Variants in NGB observed in about 807,000 individuals in gnomAD.
NGB encodes nitrite reductase.
A neutral mutation model predicts 17.3 loss-of-function variants in NGB; 12 were observed. That is an observed-to-expected ratio of 0.69 (90% CI 0.45 to 1.13). The LOEUF (loss-of-function observed/expected upper bound fraction) is 1.13, where lower values mean the gene tolerates loss of function less well. NGB is among the 50% of genes most tolerant of loss of function. NGB has a pLI of 0.00. For missense variants in NGB, 195 were observed against 191.7 expected, an observed-to-expected ratio of 1.02 and a Z score of -0.10; for synonymous variants, 87 against 81.0, an observed-to-expected ratio of 1.07 and a Z score of -0.40.
rs1001417178 is a variant in NGB, at chr14:77,265,797, C to T, written c.*739G>A. ...GATGAAGTCACCCCTCCTTCCTGGC[C>T]GGTCCCCAGCCCCTCCCCACCTGGC... On this transcript the variant is annotated 3_prime_UTR_variant, in exon 4 of 4. Coordinates refer to ENST00000298352, the MANE Select transcript of NGB (RefSeq NM_021257.4). This position sits in a 1 kb window ranked among gnomAD's most constrained non-coding sequence, Gnocchi z 4.7. 5 of 162,450 alleles carry T rather than the reference C, an allele frequency of 3.1e-5. No homozygotes were observed. Among genetic ancestry groups the T allele is most frequent in the Admixed American group, 2.3e-4 (4 of 17,466 alleles). 10.1% of individuals were successfully genotyped at this position (162,450 alleles called of 1,614,324 possible).
intron 1 of NGB, among the ~76,000 whole-genome samples, chr14:77,269,676 CT>C (rs1889729320): frequency 6.7e-4 from 1 of 1,484 alleles, no homozygotes; most frequent in Non-Finnish European, 1.5e-3. Flanking sequence ...CTTTCTCTCT[CT>C]CTCTCTCTCT....
At chr14:77,269,424 C>A (rs1366432611) in intron 1 of NGB, 98 bp from the exon 2 acceptor site, 2 of 765,626 alleles carry the variant, frequency 2.6e-6, no homozygotes, top group Non-Finnish European at 4.4e-6. Context: ...GGGTGCCAAG[C>A]CAGGTCTCAG....
chr14:77,271,186 C>G lies in NGB; in HGVS notation c.-249G>C, dbSNP rs1199038137. On this transcript the variant is annotated 5_prime_UTR_variant, in exon 1 of 4. Transcript: ENST00000298352. Reference sequence around the variant, plus strand: ...CGCTTGGCCGCTGCGCCCTGCGCCCCGCAGCCGCCAGAGCCGCCCCACCCC... The same window carrying G: ...CGCTTGGCCGCTGCGCCCTGCGCCCGGCAGCCGCCAGAGCCGCCCCACCCC... 7.4e-6 allele frequency: 3 copies of G among 405,606 alleles called. No individual in the cohort carries two copies. The highest frequency in any genetic ancestry group is 1.3e-5 in the Non-Finnish European group (3 of 228,378). 25.1% of individuals were successfully genotyped at this position (405,606 alleles called of 1,614,324 possible).
rs757251137 is a variant in NGB at position 77,266,288 on chromosome 14, T to TA, written c.*247dup. The TA allele has an allele frequency of 1.4e-6, 1 of 740,022 alleles. No individual in the cohort carries two copies. The highest frequency in any genetic ancestry group is 2.7e-5 in the East Asian group (1 of 37,454). The allele number at this position is 740,022 out of a possible 1,614,324, so 45.8% of individuals were successfully genotyped here. ...GGGTCAGAGGGAGTGCCAAAAAAGG[T>TA]AAAAAGAAACGCAAGAAAGAGGCTA... On this transcript the variant is annotated 3_prime_UTR_variant, in exon 4 of 4. Coordinates refer to ENST00000298352, the MANE Select transcript of NGB (RefSeq NM_021257.4).
chr14:77,268,711 A>C, intron 2 of NGB, 126 bp from the exon 3 acceptor site: 1 of 1,306,776 alleles, frequency 7.7e-7, no homozygotes, highest in Non-Finnish European at 1.1e-6. Context: ...CTCCAAGATC[A>C]GGGGTCAAAG....
Position 77,270,832 on chromosome 14 carries a change from G to T in NGB, c.89+17C>A. Reference sequence around the variant, plus strand: ...GCAGCCTCCACCCGCATCCCCGGGCGCTCGTGTAGCCCTCACCTGGCAAAC... The same window carrying T: ...GCAGCCTCCACCCGCATCCCCGGGCTCTCGTGTAGCCCTCACCTGGCAAAC... On this transcript the variant is annotated intron_variant, in intron 1 of 3. Coordinates refer to ENST00000298352, the MANE Select transcript of NGB (RefSeq NM_021257.4). 2 of 1,557,420 alleles carry T rather than the reference G, an allele frequency of 1.3e-6. No homozygotes were observed. Among genetic ancestry groups the T allele is most frequent in the South Asian group, 1.2e-5 (1 of 86,410 alleles).
intron 3 of NGB, 66 bp from the exon 4 acceptor site, chr14:77,266,736 A>G: frequency 5.1e-6 from 8 of 1,572,844 alleles, no homozygotes; most frequent in Non-Finnish European, 6.9e-6. Context: ...TCCACAGGTG[A>G]GAAAACTGAG....
Position 77,270,897 on chromosome 14 carries a change from C to A in NGB, c.41G>T (p.Arg14Leu). The A allele has an allele frequency of 1.3e-6, 2 of 1,583,910 alleles. No individual in the cohort carries two copies. Among genetic ancestry groups the A allele is most frequent in the Non-Finnish European group, 8.5e-7 (1 of 1,171,814 alleles). The part of the protein sequence containing the change: ...PEPELIRQSW[R>L]AVSRSPLEHG... ...CTCCAGCGGGCTGCGGCTCACTGCC[C>A]GCCAGCTCTGCCGGATCAGCTCGGG... Residue 14 changes from arginine (R) to leucine (L), a missense_variant, in exon 1 of 4, where the codon CGG becomes CTG. By Grantham distance (102) the Arg-to-Leu change is moderately radical. Coordinates refer to ENST00000298352, the MANE Select transcript of NGB (RefSeq NM_021257.4).
chr14:77,269,109 A>AAGGG, intron 2 of NGB, 106 bp downstream of exon 2: 2 of 712,878 alleles, frequency 2.8e-6, no homozygotes, highest in Non-Finnish European at 4.9e-6. Context: ...GGGGAACTGG[A>AAGGG]AGGGAGTAAG....
In NGB at chr14:77,266,306, A is replaced by G. The variant is rs1172197806; in HGVS notation, c.*230T>C. Reference sequence around the variant, plus strand: ...AAAAAGGTAAAAAGAAACGCAAGAAAGAGGCTACTGGGGATGAGGGGACAC... The same window carrying G: ...AAAAAGGTAAAAAGAAACGCAAGAAGGAGGCTACTGGGGATGAGGGGACAC... On this transcript the variant is annotated 3_prime_UTR_variant, in exon 4 of 4. Coordinates refer to ENST00000298352, the MANE Select transcript of NGB (RefSeq NM_021257.4). The G allele has an allele frequency of 1.3e-6, 1 of 769,970 alleles. No individual in the cohort carries two copies. Among genetic ancestry groups the G allele is most frequent in the Admixed American group, 1.7e-5 (1 of 58,500 alleles). 47.7% of individuals were successfully genotyped at this position (769,970 alleles called of 1,614,324 possible). A position where few individuals can be genotyped will look rare whatever the true frequency, so the allele number is the denominator to read the frequency against.
At chr14:77,269,371 T>C in intron 1 of NGB, 45 bp from the exon 2 acceptor site, 1 of 1,350,076 alleles carries the variant, frequency 7.4e-7, no homozygotes, top group Non-Finnish European at 1.0e-6. Context: ...TGTGAGCTCC[T>C]GCAAGCCCCA....
intron 2 of NGB, among the ~76,000 whole-genome samples, chr14:77,268,833 C>A (rs1227812316): frequency 6.6e-6 from 1 of 152,212 alleles, no homozygotes; most frequent in Non-Finnish European, 1.5e-5. Flanking sequence ...TCTCTAAACA[C>A]ACCTACTGGA....
chr14:77,269,162 G>C (rs546316548), intron 2 of NGB, 53 bp downstream of exon 2: 17 of 1,153,726 alleles, frequency 1.5e-5, no homozygotes, highest in South Asian at 1.5e-4. Flanking sequence ...TTCTCCACCA[G>C]GGAGGTGCTC....
chr14:77,270,807 G>A (rs1889764662), intron 1 of NGB, 42 bp downstream of exon 1: 1 of 1,487,690 alleles, frequency 6.7e-7, no homozygotes, highest in Non-Finnish European at 9.1e-7. Flanking sequence ...TCCCGCCGAG[G>A]CAGCCTCCAC....
Position 77,266,617 on chromosome 14 carries a change from G to A in NGB, c.375C>T (p.Phe125=). The change falls in exon 4 of 4, where the codon TTC becomes TTT. Residue 125 remains phenylalanine, a synonymous_variant. Transcript: ENST00000298352. ...YMLEKCLGPA[F]TPATRAAWSQ... is the part of the protein sequence containing the mutation. Reference sequence around the variant, plus strand: ...TCCAGGCAGCCCGTGTGGCTGGTGTGAAGGCAGGGCCCAGACACTTCTCCA... The same window carrying A: ...TCCAGGCAGCCCGTGTGGCTGGTGTAAAGGCAGGGCCCAGACACTTCTCCA... 6.2e-7 allele frequency: 1 copy of A among 1,614,140 alleles called. No homozygotes were observed. The highest frequency in any genetic ancestry group is 8.5e-7 in the Non-Finnish European group (1 of 1,180,034).
Position 77,269,299 on chromosome 14 carries a change from C to T in NGB, c.117G>A (p.Leu39=). Residue 39 remains leucine (L), a synonymous_variant, in exon 2 of 4, where the codon CTG becomes CTA. Transcript: ENST00000298352. ...GGCGGCAGTTGTACTGGAAGAGGGG[C>T]AGCAGGTCAGGCTCCAGGGCAAACA... The part of the protein sequence containing the change: ...ARLFALEPDL[L]PLFQYNCRQF... 1.3e-6 allele frequency: 2 copies of T among 1,551,444 alleles called. No homozygotes were observed. The highest frequency in any genetic ancestry group is 8.7e-7 in the Non-Finnish European group (1 of 1,146,762).
chr14:77,270,406 G>A (rs182703878), intron 1 of NGB, among the ~76,000 whole-genome samples: 10 of 152,206 alleles, frequency 6.6e-5, no homozygotes, highest in African/African-American at 2.4e-4. Context: ...ACACGCGGGC[G>A]CAGGAGCTCG....
At position 77,271,179 on chromosome 14, in the gene NGB, T is replaced by A; in HGVS notation, c.-242A>T. The A allele has an allele frequency of 2.5e-6, 1 of 405,652 alleles. No individual in the cohort carries two copies. Among genetic ancestry groups the A allele is most frequent in the Non-Finnish European group, 4.4e-6 (1 of 228,136 alleles). The allele number at this position is 405,652 out of a possible 1,614,324, so 25.1% of individuals were successfully genotyped here. A position where few individuals can be genotyped will look rare whatever the true frequency, so the allele number is the denominator to read the frequency against. ...GGGACCCCGCTTGGCCGCTGCGCCC[T>A]GCGCCCCGCAGCCGCCAGAGCCGCC... On this transcript the variant is annotated 5_prime_UTR_variant, in exon 1 of 4. Coordinates refer to ENST00000298352, the MANE Select transcript of NGB (RefSeq NM_021257.4).
intron 1 of NGB, 46 bp downstream of exon 1, chr14:77,270,803 C>A: frequency 6.8e-7 from 1 of 1,479,176 alleles, no homozygotes; most frequent in Non-Finnish European, 9.1e-7. Flanking sequence ...CCTTTCCCGC[C>A]GAGGCAGCCT....
Sources: allele counts gnomAD v4.1 joint callset (sites outside exome capture counted in the v4.1 genomes callset), GRCh38; gene constraint gnomAD v4.1.1; non-coding constraint Gnocchi (gnomAD v3.1); transcripts MANE v1.5; gene names NCBI Gene and HGNC (gene_info 2026-07-23, HGNC 2026-07-21).